Variants in NCOR2 observed in about 807,000 individuals in gnomAD.
NCOR2 encodes nuclear receptor corepressor 2, also known as CTG repeat protein 26.
Under a neutral mutation model 262.9 loss-of-function variants are expected in NCOR2, and 81 were observed. The observed-to-expected ratio is 0.31, with a 90% CI of 0.26 to 0.37. The LOEUF (loss-of-function observed/expected upper bound fraction) is 0.37, where lower values mean the gene tolerates loss of function less well. Ranked by LOEUF, NCOR2 falls within the 10% of genes least tolerant of loss-of-function variation. The pLI is 1.00. For synonymous variants in NCOR2, 1,659 were observed against 1,559.3 expected, an observed-to-expected ratio of 1.06 and a Z score of -1.51; for missense variants, 3,385 against 3,621.4, an observed-to-expected ratio of 0.93 and a Z score of 1.68.
intron 8 of NCOR2, among the ~76,000 whole-genome samples, chr12:124,431,709 C>T (rs1010781673): frequency 7.9e-5 from 12 of 151,480 alleles, no homozygotes; most frequent in Non-Finnish European, 1.3e-4. Flanking sequence ...CACAGACACA[C>T]ACAGTCACAT....
intron 11 of NCOR2, among the ~76,000 whole-genome samples, chr12:124,425,413 GA>G (rs543370668): frequency 2.0e-5 from 3 of 152,052 alleles, no homozygotes; most frequent in Non-Finnish European, 2.9e-5. Flanking sequence ...AACCTTATGA[GA>G]TTTTTTTTGT....
chr12:124,348,527 G>C (rs2272369), intron 28 of NCOR2: 185,010 of 599,260 alleles, frequency 0.31, 30,215 homozygotes, highest in Admixed American at 0.44. Context: ...CCAGGGGGTT[G>C]CACGGTGGGA....
chr12:124,397,594 C>A (rs2041765290), intron 16 of NCOR2, among the ~76,000 whole-genome samples: 2 of 152,242 alleles, frequency 1.3e-5, no homozygotes, highest in Admixed American at 1.3e-4. Flanking sequence ...CACTCCAGAA[C>A]CCGTCACCCA....
intron 17 of NCOR2, among the ~76,000 whole-genome samples, chr12:124,380,060 C>T (rs1342562065): frequency 6.6e-6 from 1 of 152,240 alleles, no homozygotes; most frequent in Non-Finnish European, 1.5e-5. Context: ...GTCTGTGGTA[C>T]TTCCTTGCGG....
rs554561853 is a variant in NCOR2, at chr12:124,385,347, G to A, written c.2019+398C>T. The stretch of plus-strand genomic sequence containing the variant: ...GTCAAATGGGGCAGGGGAGCCACTC[G>A]CTCAGGACCCATTTGCCTCCGGGTC... On this transcript the variant is annotated intron_variant, in intron 17 of 46. Transcript: ENST00000405201. Among the ~76,000 whole-genome samples the A allele has an allele frequency of 5.3e-5, 8 of 152,282 alleles. No homozygotes were observed. In the South Asian group the frequency reaches 6.2e-4, roughly 12 times the overall value.
At chr12:124,399,392 C>T (rs964873793) in intron 15 of NCOR2, among the ~76,000 whole-genome samples, 14 of 152,134 alleles carry the variant, frequency 9.2e-5, no homozygotes, top group Admixed American at 1.3e-4. Context: ...GCCTTGGGTC[C>T]GAGAGGACTA....
At chr12:124,333,956 G>GCA (rs1491079879) in intron 41 of NCOR2, among the ~76,000 whole-genome samples, 4 of 120,606 alleles carry the variant, frequency 3.3e-5, no homozygotes, top group South Asian at 4.0e-4. Flanking sequence ...GTGTGCACGT[G>GCA]TGTGTGTGCG....
At chr12:124,486,633 C>T in intron 1 of NCOR2, 65 bp from the exon 4 acceptor site, 5 of 1,509,036 alleles carry the variant, frequency 3.3e-6, no homozygotes, top group Non-Finnish European at 4.4e-6. Flanking sequence ...CACGGCAGGG[C>T]ACAGTGGGCA....
At chr12:124,331,959 C>G (rs1422741404) in intron 43 of NCOR2, 2 of 250,902 alleles carry the variant, frequency 8.0e-6, no homozygotes, top group Non-Finnish European at 1.6e-5. Flanking sequence ...TCATACCCAG[C>G]AACCACGTCA....
intron 1 of NCOR2, among the ~76,000 whole-genome samples, chr12:124,493,115 G>C (rs1264518155): frequency 6.6e-6 from 1 of 152,252 alleles, no homozygotes; most frequent in Non-Finnish European, 1.5e-5. Flanking sequence ...CGTCACTGAC[G>C]GCCCAGCAGG....
intron 1 of NCOR2, among the ~76,000 whole-genome samples, chr12:124,544,949 C>G (rs1221578675): frequency 1.3e-5 from 2 of 152,082 alleles, no homozygotes; most frequent in Non-Finnish European, 2.9e-5. Flanking sequence ...CCGCTCCAGC[C>G]CTAGTGCTGT....
chr12:124,381,067 G>T (rs2040376712), intron 17 of NCOR2, among the ~76,000 whole-genome samples: 1 of 152,094 alleles, frequency 6.6e-6, no homozygotes. Context: ...GCCACCCCCT[G>T]CTTCAAACTC....
At chr12:124,499,610 G>A (rs370674783), upstream of NCOR2, among the ~76,000 whole-genome samples, 4 of 152,232 alleles carry the variant, frequency 2.6e-5, no homozygotes, top group Non-Finnish European at 5.9e-5. Context: ...CCCGCCAGGC[G>A]GTGAGCACAG....
intron 1 of NCOR2, among the ~76,000 whole-genome samples, chr12:124,486,777 G>T (rs997430297): frequency 6.6e-6 from 1 of 152,174 alleles, no homozygotes; most frequent in African/African-American, 2.4e-5. Flanking sequence ...GAACACAGCT[G>T]AACGGCCCTG....
Position 124,346,763 on chromosome 12 carries a change from G to A in NCOR2, c.4160C>T (p.Pro1387Leu). ...CTCGGTCAGGTCCCGTGAGGGCGGT[G>A]GGGGCGGAGGCGTGCCCTCCCGCTT... The change falls in exon 31 of 47, where the codon CCA becomes CTA. Residue 1387 changes from proline (P) to leucine (L), a missense_variant. Transcript: ENST00000405201. The A allele has an allele frequency of 6.4e-7, 1 of 1,557,538 alleles. No individual in the cohort carries two copies. Among genetic ancestry groups the A allele is most frequent in the South Asian group, 1.2e-5 (1 of 84,578 alleles).
chr12:124,530,117 ACTT>A (rs1297332712), intron 1 of NCOR2: 2 of 152,140 alleles, frequency 1.3e-5, no homozygotes, highest in Non-Finnish European at 2.9e-5. Context: ...ATGAAATACT[ACTT>A]AGCCATGAGA....
upstream of NCOR2, among the ~76,000 whole-genome samples, chr12:124,537,317 T>C (rs2051145838): frequency 6.6e-6 from 1 of 152,212 alleles, no homozygotes; most frequent in African/African-American, 2.4e-5. Context: ...GGCAGAGCAC[T>C]GGACAGTCAG....
At chr12:124,411,661 G>C (rs920708077) in intron 13 of NCOR2, among the ~76,000 whole-genome samples, 1 of 152,250 alleles carries the variant, frequency 6.6e-6, no homozygotes, top group African/African-American at 2.4e-5. Context: ...AATTCACTAG[G>C]ATAACGCGGC....
chr12:124,348,108 G>C, intron 29 of NCOR2, 66 bp downstream of exon 31: 2 of 1,597,254 alleles, frequency 1.3e-6, no homozygotes, highest in African/African-American at 2.7e-5. Flanking sequence ...CTGTAAAACG[G>C]GGTCAGCCAT....
Sources: allele counts gnomAD v4.1 joint callset (sites outside exome capture counted in the v4.1 genomes callset), GRCh38; gene constraint gnomAD v4.1.1; transcripts MANE v1.5; gene names NCBI Gene and HGNC (gene_info 2026-07-23, HGNC 2026-07-21).